The following PACSIN3 variants were observed in gnomAD, a reference collection of about 807,000 sequenced individuals.
The protein encoded by PACSIN3 is protein kinase C and casein kinase substrate in neurons protein 3.
Under a neutral mutation model 56.1 loss-of-function variants are expected in PACSIN3, and 34 were observed. The observed-to-expected ratio is 0.61, with a 90% CI of 0.46 to 0.81. The LOEUF is 0.81. Among genes scored for constraint, PACSIN3 ranks in the 30% least tolerant of loss-of-function variants. The probability of loss-of-function intolerance (pLI) is 0.00; values close to 1 mark genes in which losing one functional copy is unlikely to be tolerated. For synonymous variants in PACSIN3, 218 were observed against 229.8 expected, an observed-to-expected ratio of 0.95 and a Z score of 0.46; for missense variants, 535 against 592.4, an observed-to-expected ratio of 0.90 and a Z score of 1.01.
chr11:47,182,553 T>C lies in PACSIN3; in HGVS notation c.61A>G (p.Asn21Asp), dbSNP rs751656794. ...ALGGSFWEAG[N>D]YRRTVQRVED... ...ACCCGCTGTACCGTGCGCCTGTAGTTGCCAGCCTGGGCATACAGGAAAAGG... is the reference window on the plus strand; with the variant it reads ...ACCCGCTGTACCGTGCGCCTGTAGTCGCCAGCCTGGGCATACAGGAAAAGG... The change falls in exon 4 of 11, where the codon AAC becomes GAC. Residue 21 changes from asparagine to aspartate, a missense_variant. Transcript: ENST00000298838. 4 of 1,610,298 alleles carry C rather than the reference T, an allele frequency of 2.5e-6. No homozygotes were observed. The highest frequency in any genetic ancestry group is 1.3e-5 in the African/African-American group (1 of 74,850).
Position 47,183,022 on chromosome 11 carries a change from T to A in PACSIN3, c.-56A>T. On this transcript the variant is annotated 5_prime_UTR_variant, in exon 2 of 11. In the 5' UTR this introduces an upstream ATG that the reference lacks. Transcript: ENST00000298838. ...CACATACCTGGGGCCTAGAGATCAC[T>A]TCAAGGACCCGGGTGTCCAACTCTC... 3.0e-6 allele frequency: 1 copy of A among 337,784 alleles called. No individual in the cohort carries two copies. Among genetic ancestry groups the A allele is most frequent in the South Asian group, 7.1e-5 (1 of 14,132 alleles). 20.9% of individuals were successfully genotyped at this position (337,784 alleles called of 1,614,324 possible). A position where few individuals can be genotyped will look rare whatever the true frequency, so the allele number is the denominator to read the frequency against.
rs1952913789 is a variant in PACSIN3, at chr11:47,177,871, CAGG to C, written c.*57_*59del. 1 of 1,350,008 alleles carries C rather than the reference CAGG, an allele frequency of 7.4e-7. No individual in the cohort carries two copies. Among genetic ancestry groups the C allele is most frequent in the East Asian group, 2.3e-5 (1 of 43,556 alleles). The allele number at this position is 1,350,008 out of a possible 1,614,324, so 83.6% of individuals were successfully genotyped here. A position where few individuals can be genotyped will look rare whatever the true frequency, so the allele number is the denominator to read the frequency against. On this transcript the variant is annotated 3_prime_UTR_variant, in exon 11 of 11. Transcript: ENST00000298838. ...TCAGGGCCCTGAGGGTCCGGCTCTC[CAGG>C]AGAAGCTGGGCTCTGAACCAGGGTG...
intron 1 of PACSIN3, among the ~76,000 whole-genome samples, chr11:47,183,974 G>C (rs1055877935): frequency 9.3e-5 from 14 of 151,032 alleles, no homozygotes; most frequent in African/African-American, 3.2e-4. Flanking sequence ...GCGGTGAGCA[G>C]AGATTATACC....
chr11:47,177,840 G>C lies in PACSIN3; in HGVS notation c.*91C>G, dbSNP rs1046192036. On this transcript the variant is annotated 3_prime_UTR_variant, in exon 11 of 11. Transcript: ENST00000298838. Reference sequence around the variant, plus strand: ...AGGGACAGAGGAGCAGCCAGAGAGCGACGGTTCAGGGCCCTGAGGGTCCGG... The same window carrying C: ...AGGGACAGAGGAGCAGCCAGAGAGCCACGGTTCAGGGCCCTGAGGGTCCGG... 32 of 982,150 alleles carry C rather than the reference G, an allele frequency of 3.3e-5. No individual in the cohort carries two copies. The highest frequency in any genetic ancestry group is 2.1e-4 in the Middle Eastern group (1 of 4,778). The allele number at this position is 982,150 out of a possible 1,614,324, so 60.8% of individuals were successfully genotyped here. A position where few individuals can be genotyped will look rare whatever the true frequency, so the allele number is the denominator to read the frequency against.
Position 47,178,116 on chromosome 11 carries a change from A to C in PACSIN3, c.1160-70T>G. 7.3e-7 allele frequency: 1 copy of C among 1,377,396 alleles called. No individual in the cohort carries two copies. The highest frequency in any genetic ancestry group is 1.0e-6 in the Non-Finnish European group (1 of 982,284). The allele number at this position is 1,377,396 out of a possible 1,614,324, so 85.3% of individuals were successfully genotyped here. Reference sequence around the variant, plus strand: ...CCCTGTTCCTGCAACTGGGTCAAGGACTGAGGGGGATGGTGTGGTCCCAGA... The same window carrying C: ...CCCTGTTCCTGCAACTGGGTCAAGGCCTGAGGGGGATGGTGTGGTCCCAGA... On this transcript the variant is annotated intron_variant, in intron 10 of 10. Coordinates refer to ENST00000298838, the MANE Select transcript of PACSIN3 (RefSeq NM_016223.5). This position sits in a 1 kb window ranked among gnomAD's most constrained non-coding sequence, Gnocchi z 4.2.
intron 4 of PACSIN3, among the ~76,000 whole-genome samples, chr11:47,181,140 T>C (rs1953017230): frequency 6.6e-6 from 1 of 152,034 alleles, no homozygotes; most frequent in Admixed American, 6.6e-5. Context: ...CGGGCGCCTG[T>C]AGTCCCAGCT....
chr11:47,180,505 C>G lies in PACSIN3; in HGVS notation c.397G>C (p.Glu133Gln). The change falls in exon 5 of 11, where the codon GAG (glutamate) becomes CAG (glutamine). Residue 133 changes from glutamate to glutamine, a missense_variant. Glu to Gln is a conservative substitution (Grantham distance 29, BLOSUM62 2). Coordinates refer to ENST00000298838, the MANE Select transcript of PACSIN3 (RefSeq NM_016223.5). ...TTCTGGGCCTTGCGGAAGCCGTCCT[C>G]GGCCGCCCGGCTCTCGCGGAAGCCG... ...LGGFRESRAA[E>Q]DGFRKAQKPW... The G allele has an allele frequency of 6.2e-7, 1 of 1,604,050 alleles. No homozygotes were observed. The highest frequency in any genetic ancestry group is 1.1e-5 in the South Asian group (1 of 90,968).
Position 47,179,358 on chromosome 11 carries a change from T to C in PACSIN3, c.779+53A>G. 2 of 1,613,088 alleles carry C rather than the reference T, an allele frequency of 1.2e-6. No homozygotes were observed. Among genetic ancestry groups the C allele is most frequent in the South Asian group, 1.1e-5 (1 of 91,072 alleles). ...AGTCCCAGCCAGGGCCTCGGGGAGATGGAGGAGACCCAGTACTACCCCAGA... is the reference window on the plus strand; with the variant it reads ...AGTCCCAGCCAGGGCCTCGGGGAGACGGAGGAGACCCAGTACTACCCCAGA... On this transcript the variant is annotated intron_variant, in intron 7 of 10. Transcript: ENST00000298838. This position sits in a 1 kb window ranked among gnomAD's most constrained non-coding sequence, Gnocchi z 4.4.
rs556689025 is a variant in PACSIN3 at position 47,178,632 on chromosome 11, G to A, written c.1038-145C>T. The A allele has an allele frequency of 8.0e-6, 9 of 1,121,370 alleles. No homozygotes were observed. Among genetic ancestry groups the A allele is most frequent in the East Asian group, 7.7e-5 (3 of 39,150 alleles). The allele number at this position is 1,121,370 out of a possible 1,614,324, so 69.5% of individuals were successfully genotyped here. The stretch of plus-strand genomic sequence containing the variant: ...GTACTAAAGATTCTAGCTCTACCTC[G>A]CCATGCCCGACTGTGAGCAAAGAGG... On this transcript the variant is annotated intron_variant, in intron 9 of 10. Transcript: ENST00000298838. This position sits in a 1 kb window ranked among gnomAD's most constrained non-coding sequence, Gnocchi z 4.2.
Position 47,179,882 on chromosome 11 carries a change from G to C in PACSIN3, c.604-296C>G, listed in dbSNP as rs1952982614. On this transcript the variant is annotated intron_variant, in intron 6 of 10. Transcript: ENST00000298838. This position sits in a 1 kb window ranked among gnomAD's most constrained non-coding sequence, Gnocchi z 4.4. ...GGTGGAAACTGCAGCATCTCAGGAT[G>C]GGGAGGATTTGCATATCCAGAGCTG... 3.6e-6 allele frequency: 2 copies of C among 562,710 alleles called. No homozygotes were observed. Among genetic ancestry groups the C allele is most frequent in the Non-Finnish European group, 6.3e-6 (2 of 318,042 alleles). The allele number at this position is 562,710 out of a possible 1,614,324, so 34.9% of individuals were successfully genotyped here.
Position 47,180,457 on chromosome 11 carries a change from C to T in PACSIN3, c.445G>A (p.Glu149Lys), listed in dbSNP as rs1236593628. 2 of 1,599,364 alleles carry T rather than the reference C, an allele frequency of 1.3e-6. No individual in the cohort carries two copies. The highest frequency in any genetic ancestry group is 1.7e-6 in the Non-Finnish European group (2 of 1,175,706). The change falls in exon 5 of 11, where the codon GAG becomes AAG. Residue 149 changes from glutamate to lysine, a missense_variant and splice_region_variant. Glu to Lys is a moderately conservative substitution (Grantham distance 56). Coordinates refer to ENST00000298838, the MANE Select transcript of PACSIN3 (RefSeq NM_016223.5). The stretch of plus-strand genomic sequence containing the variant: ...ATACCTCCCCCACCCAGCCTCACCT[C>T]CTTCAGCCTCTTCAGCCAGGGCTTC... ...AQKPWLKRLKEVEASKKSYHA... is the reference protein window; with the variant it reads ...AQKPWLKRLKKVEASKKSYHA...
At position 47,182,710 on chromosome 11, in the gene PACSIN3, G is replaced by T; in HGVS notation, c.18C>A (p.Asp6Glu). The change falls in exon 3 of 11, where the codon GAC (aspartate) becomes GAA (glutamate). Residue 6 changes from aspartate (D) to glutamate (E), a missense_variant. Coordinates refer to ENST00000298838, the MANE Select transcript of PACSIN3 (RefSeq NM_016223.5). Reference sequence around the variant, plus strand: ...TGCCCCCTAAGGCCTCCCCTCCAGCGTCCTCTTCTGGAGCCATGGTGTCCC... The same window carrying T: ...TGCCCCCTAAGGCCTCCCCTCCAGCTTCCTCTTCTGGAGCCATGGTGTCCC... The part of the protein sequence containing the change: MAPEE[D>E]AGGEALGGSF... 6.2e-7 allele frequency: 1 copy of T among 1,612,742 alleles called. No individual in the cohort carries two copies. Among genetic ancestry groups the T allele is most frequent in the Non-Finnish European group, 8.5e-7 (1 of 1,179,368 alleles).
At chr11:47,181,139 G>A (rs1453452440) in intron 4 of PACSIN3, among the ~76,000 whole-genome samples, 2 of 152,116 alleles carry the variant, frequency 1.3e-5, no homozygotes, top group Non-Finnish European at 2.9e-5. Flanking sequence ...GCGGGCGCCT[G>A]TAGTCCCAGC....
At chr11:47,182,346 C>G (rs1387964514) in intron 4 of PACSIN3, 57 bp downstream of exon 4, 2 of 1,499,392 alleles carry the variant, frequency 1.3e-6, no homozygotes, top group Non-Finnish European at 1.8e-6. Flanking sequence ...CAAAAAGAAG[C>G]TGGCCCGACA....
In PACSIN3 at chr11:47,180,442, C is replaced by A. The variant is rs375388386; in HGVS notation, c.447+13G>T. 4.6e-5 allele frequency: 74 copies of A among 1,592,368 alleles called. No homozygotes were observed. The highest frequency in any genetic ancestry group is 5.9e-5 in the Non-Finnish European group (69 of 1,171,638). On this transcript the variant is annotated intron_variant, in intron 5 of 10. Coordinates refer to ENST00000298838, the MANE Select transcript of PACSIN3 (RefSeq NM_016223.5). ...AGGAGCCTGTCTCGGATACCTCCCCCACCCAGCCTCACCTCCTTCAGCCTC... is the reference window on the plus strand; with the variant it reads ...AGGAGCCTGTCTCGGATACCTCCCCAACCCAGCCTCACCTCCTTCAGCCTC...
intron 1 of PACSIN3, chr11:47,184,212 A>G (rs1203702416): frequency 6.6e-6 from 1 of 152,416 alleles, no homozygotes; most frequent in Non-Finnish European, 1.5e-5. Context: ...GAGCAGGCCC[A>G]AGGGACACAG....
intron 1 of PACSIN3, among the ~76,000 whole-genome samples, chr11:47,184,165 T>G (rs918537040): frequency 6.6e-6 from 1 of 152,220 alleles, no homozygotes; most frequent in Non-Finnish European, 1.5e-5. Flanking sequence ...CAGCACTGAC[T>G]GACTCACAGA....
Position 47,182,430 on chromosome 11 carries a change from G to A in PACSIN3, c.184C>T (p.Arg62Ter), listed in dbSNP as rs919199703. The change falls in exon 4 of 11, where the codon CGA becomes TGA. Residue 62 changes from arginine (R) to a stop codon, truncating the protein, a stop_gained. Coordinates refer to ENST00000298838, the MANE Select transcript of PACSIN3 (RefSeq NM_016223.5). LOFTEE classifies it high-confidence loss of function. Reference sequence around the variant, plus strand: ...TTCTCCACGGTCCCCCTCCACTTTCGGGCCCAGTCAGCCAACTGCTGGGCA... The same window carrying A: ...TTCTCCACGGTCCCCCTCCACTTTCAGGCCCAGTCAGCCAACTGCTGGGCA... ...AYAQQLADWA[R>*]KWRGTVEKGP... 4.4e-6 allele frequency: 7 copies of A among 1,600,390 alleles called. No homozygotes were observed. The highest frequency in any genetic ancestry group is 4.5e-5 in the East Asian group (2 of 44,824).
Position 47,180,476 on chromosome 11 carries a change from G to C in PACSIN3, c.426C>G (p.Pro142=). 1 of 1,601,402 alleles carries C rather than the reference G, an allele frequency of 6.2e-7. No homozygotes were observed. Among genetic ancestry groups the C allele is most frequent in the Middle Eastern group, 1.7e-4 (1 of 6,040 alleles). ...TCACCTCCTTCAGCCTCTTCAGCCAGGGCTTCTGGGCCTTGCGGAAGCCGT... is the reference window on the plus strand; with the variant it reads ...TCACCTCCTTCAGCCTCTTCAGCCACGGCTTCTGGGCCTTGCGGAAGCCGT... ...AEDGFRKAQK[P]WLKRLKEVEA... The change falls in exon 5 of 11, where the codon CCC becomes CCG. Residue 142 remains proline, a synonymous_variant. Coordinates refer to ENST00000298838, the MANE Select transcript of PACSIN3 (RefSeq NM_016223.5).
Sources: gnomAD v4.1 joint callset for allele counts (sites outside exome capture counted in the v4.1 genomes callset) on GRCh38, gnomAD v4.1.1 for gene constraint, Gnocchi (gnomAD v3.1) non-coding constraint, MANE v1.5 for transcripts, NCBI Gene and HGNC (gene_info 2026-07-23, HGNC 2026-07-21) for gene names.